PLCB1: variants seen among roughly 807,000 people sequenced by gnomAD.
The protein encoded by PLCB1 is phospholipase C beta 1.
PLCB1 carries 46 observed loss-of-function variants against 161.8 expected under a neutral mutation model. The observed-to-expected ratio is 0.28, with a 90% CI of 0.22 to 0.36. The LOEUF is 0.36. Ranked by LOEUF, PLCB1 falls within the 10% of genes least tolerant of loss-of-function variation. PLCB1 has a pLI of 1.00. For synonymous variants in PLCB1, 517 were observed against 503.7 expected (o/e 1.03, Z -0.35); for missense variants, 1,016 against 1,472.5 (o/e 0.69, Z 5.07).
At chr20:8,760,500 A>C in intron 25 of PLCB1, 40 bp downstream of exon 25, 2 of 1,331,126 alleles carry the variant, frequency 1.5e-6, no homozygotes, top group Non-Finnish European at 2.1e-6. Flanking sequence ...TAAGCAGCTC[A>C]GTGTTACACA....
chr20:8,817,734 A>G (rs1020795279), intron 31 of PLCB1, among the ~76,000 whole-genome samples: 2 of 152,174 alleles, frequency 1.3e-5, no homozygotes, highest in African/African-American at 4.8e-5. Context: ...GAATACGAAG[A>G]AAGTCCATGA....
At chr20:8,302,559 A>G (rs1488356357) in intron 2 of PLCB1, among the ~76,000 whole-genome samples, 3 of 152,236 alleles carry the variant, frequency 2.0e-5, no homozygotes, top group Non-Finnish European at 2.9e-5. Context: ...TTGGCTTTCA[A>G]TTAGAAATTT....
chr20:8,324,199 GGTGTGTGTGT>G (rs60079589), intron 2 of PLCB1, among the ~76,000 whole-genome samples: 55 of 147,104 alleles, frequency 3.7e-4, no homozygotes, highest in Non-Finnish European at 5.9e-4. Flanking sequence ...AACTGGTAGG[GGTGTGTGTGT>G]GTGTGTGTGT....
intron 4 of PLCB1, among the ~76,000 whole-genome samples, chr20:8,629,503 T>C (rs918745841): frequency 2.6e-5 from 4 of 152,230 alleles, no homozygotes; most frequent in Non-Finnish European, 1.5e-5. Flanking sequence ...TGAACATATT[T>C]AAAGAAGAGC....
chr20:8,814,504 CTATCCATCCATCCATT>C lies in PLCB1; in HGVS notation c.3423+24259_3423+24274del, dbSNP rs1020416385. On this transcript the variant is annotated intron_variant, in intron 31 of 31. Transcript: ENST00000338037. ...CAGGGATTTATAAGTAGTGTTCCAT[CTATCCATCCATCCATT>C]TATCCATCCATCCATCCATTCTTTC... Among the ~76,000 whole-genome samples, 427 of 152,110 alleles carry C rather than the reference CTATCCATCCATCCATT, an allele frequency of 2.8e-3. 3 individuals are homozygous for C. Among genetic ancestry groups the C allele is most frequent in the African/African-American group, 9.3e-3 (384 of 41,484 alleles).
In PLCB1 at chr20:8,727,410, G is replaced by T. The variant is rs377762613; in HGVS notation, c.1763+17G>T. 1.3e-5 allele frequency: 17 copies of T among 1,321,496 alleles called. No homozygotes were observed. Among genetic ancestry groups the T allele is most frequent in the Non-Finnish European group, 1.9e-5 (17 of 918,134 alleles). 81.9% of individuals were successfully genotyped at this position (1,321,496 alleles called of 1,614,324 possible). ...ATTTGTAGAGTATCCTTGATTTGAC[G>T]AATGACTGCAGAATGAACACAGCTG... On this transcript the variant is annotated intron_variant, in intron 17 of 31. Transcript: ENST00000338037.
intron 3 of PLCB1, among the ~76,000 whole-genome samples, chr20:8,544,682 G>A (rs1162723409): frequency 6.6e-6 from 1 of 152,152 alleles, no homozygotes; most frequent in Non-Finnish European, 1.5e-5. Flanking sequence ...CCAATTATTA[G>A]ATGTTTCTGA....
At chr20:8,327,057 T>C (rs565744261) in intron 2 of PLCB1, among the ~76,000 whole-genome samples, 1 of 152,332 alleles carries the variant, frequency 6.6e-6, no homozygotes, top group South Asian at 2.1e-4. Flanking sequence ...GGCTAAGTTT[T>C]GTATTTTTTG....
At chr20:8,765,106 C>CT in intron 25 of PLCB1, 33 bp from the exon 26 acceptor site, 1 of 1,546,472 alleles carries the variant, frequency 6.5e-7, no homozygotes, top group Non-Finnish European at 8.9e-7. Flanking sequence ...TCAGCCCTCC[C>CT]ATTCCCTTAG....
chr20:8,159,776 T>C (rs2051601716), intron 2 of PLCB1, among the ~76,000 whole-genome samples: 2 of 151,606 alleles, frequency 1.3e-5, no homozygotes, highest in South Asian at 4.2e-4. Flanking sequence ...TCACCTGAGG[T>C]TGGGAGTTCG....
At chr20:8,825,588 C>A (rs578133139) in intron 31 of PLCB1, among the ~76,000 whole-genome samples, 5 of 152,100 alleles carry the variant, frequency 3.3e-5, no homozygotes, top group Non-Finnish European at 5.9e-5. Flanking sequence ...ACAATGGAGC[C>A]AGAAAGGTAG....
At chr20:8,414,005 A>T (rs985281258) in intron 3 of PLCB1, among the ~76,000 whole-genome samples, 7 of 152,228 alleles carry the variant, frequency 4.6e-5, no homozygotes, top group African/African-American at 1.7e-4. Flanking sequence ...CTGAAACTCT[A>T]ACAGATTAAC....
chr20:8,837,062 G>A (rs909887971), intron 31 of PLCB1, among the ~76,000 whole-genome samples: 2 of 152,168 alleles, frequency 1.3e-5, no homozygotes, highest in African/African-American at 4.8e-5. Context: ...CCCCGATGAA[G>A]CTGAGGACAT....
At chr20:8,443,384 C>T (rs1980660035) in intron 3 of PLCB1, among the ~76,000 whole-genome samples, 1 of 152,162 alleles carries the variant, frequency 6.6e-6, no homozygotes, top group African/African-American at 2.4e-5. Flanking sequence ...ACCATCCATC[C>T]TGTAGGGTGA....
rs148238684 is a variant in PLCB1, at chr20:8,181,072, G to A, written c.177+30701G>A. On this transcript the variant is annotated intron_variant, in intron 2 of 31. Coordinates refer to ENST00000338037, the MANE Select transcript of PLCB1 (RefSeq NM_015192.4). ...TCGAGACCAGCCTGGCCAACATGGC[G>A]AAACCCCGTCTCTACTAAAAATACA... 9.0e-3 allele frequency among the ~76,000 whole-genome samples: 1,366 copies of A among 151,722 alleles called. 14 individuals carry two copies. The highest frequency in any genetic ancestry group is 0.031 in the African/African-American group (1,273 of 41,384).
intron 10 of PLCB1, among the ~76,000 whole-genome samples, chr20:8,685,439 G>A (rs1366231880): frequency 1.3e-5 from 2 of 151,774 alleles, no homozygotes; most frequent in Non-Finnish European, 2.9e-5. Flanking sequence ...TGACAGCTCC[G>A]AAGTTCTTAA....
At chr20:8,354,592 A>T (rs1024777739) in intron 2 of PLCB1, among the ~76,000 whole-genome samples, 1 of 152,206 alleles carries the variant, frequency 6.6e-6, no homozygotes, top group African/African-American at 2.4e-5. Flanking sequence ...TAAATACTGT[A>T]TTGAATGTGG....
chr20:8,629,823 T>TTC (rs1461460732), intron 4 of PLCB1, among the ~76,000 whole-genome samples: 5 of 73,456 alleles, frequency 6.8e-5, no homozygotes, highest in Non-Finnish European at 1.1e-4. Flanking sequence ...TTTCTTTTCT[T>TTC]TCTTTCTTTC....
chr20:8,396,850 T>C (rs986377246), intron 3 of PLCB1, among the ~76,000 whole-genome samples: 4 of 152,080 alleles, frequency 2.6e-5, no homozygotes, highest in Non-Finnish European at 5.9e-5. Flanking sequence ...TTAATATTTA[T>C]CAGTTGTATA....
Sources: allele counts gnomAD v4.1 joint callset (sites outside exome capture counted in the v4.1 genomes callset), GRCh38; gene constraint gnomAD v4.1.1; transcripts MANE v1.5; gene names NCBI Gene and HGNC (gene_info 2026-07-23, HGNC 2026-07-21).